The following PKIG variants were observed in gnomAD, a reference collection of about 807,000 sequenced individuals.
PKIG encodes the protein protein kinase (cAMP-dependent, catalytic) inhibitor gamma.
A neutral mutation model predicts 6.8 loss-of-function variants in PKIG; 1 was observed. The ratio of observed to expected loss-of-function variants is 0.15; its 90% CI spans 0.05 to 0.69. PKIG has a LOEUF of 0.69. Among genes scored for constraint, PKIG ranks in the 30% least tolerant of loss-of-function variants. PKIG has a pLI of 0.82. For synonymous variants in PKIG, 39 were observed against 43.0 expected (o/e 0.91, Z 0.36); for missense variants, 77 against 104.0 (o/e 0.74, Z 1.13).
chr20:44,608,225 G>T (rs188204835), intron 2 of PKIG, among the ~76,000 whole-genome samples: 12 of 152,214 alleles, frequency 7.9e-5, no homozygotes, highest in South Asian at 2.1e-4. Flanking sequence ...TGAAGTGAAT[G>T]TGTTCACTAT....
intron 1 of PKIG, among the ~76,000 whole-genome samples, chr20:44,547,434 G>T (rs1468202379): frequency 1.3e-5 from 2 of 152,160 alleles, no homozygotes; most frequent in Non-Finnish European, 2.9e-5. Context: ...TGATTTTGTG[G>T]GGAGAGAAGC....
intron 1 of PKIG, among the ~76,000 whole-genome samples, chr20:44,560,717 C>T (rs1023634212): frequency 7.9e-5 from 12 of 152,216 alleles, no homozygotes; most frequent in Non-Finnish European, 2.9e-5. Flanking sequence ...CACCAAGCTT[C>T]TAGGTGTAGG....
rs183029550 is a variant in PKIG at position 44,600,930 on chromosome 20, G to A, written c.-24+11064G>A. 2.5e-4 allele frequency among the ~76,000 whole-genome samples: 38 copies of A among 152,140 alleles called. No homozygotes were observed. The East Asian group carries it at 6.0e-3, about 24-fold the overall frequency. ...TCAGAAATCTAGAACTCTTAAGAGA[G>A]GGTTGCAGCTCTTTGAAGGTCACCA... On this transcript the variant is annotated intron_variant, in intron 2 of 3. Coordinates refer to ENST00000372886, the MANE Select transcript of PKIG (RefSeq NM_001281445.2).
chr20:44,613,736 C>T (rs1158924120), intron 2 of PKIG, among the ~76,000 whole-genome samples: 1 of 152,184 alleles, frequency 6.6e-6, no homozygotes, highest in Admixed American at 6.5e-5. Flanking sequence ...TCACAGGAGC[C>T]TCCTAACTTG....
intron 2 of PKIG, among the ~76,000 whole-genome samples, chr20:44,610,500 T>TCTCA (rs1555841182): frequency 5.4e-4 from 73 of 135,492 alleles, no homozygotes; most frequent in African/African-American, 1.4e-3. Context: ...TCTCTCTCTC[T>TCTCA]CACACACACA....
rs180850685 is a variant in PKIG, at chr20:44,577,134, G to C, written c.-240-5451G>C. Among the ~76,000 whole-genome samples the C allele has an allele frequency of 4.2e-4, 64 of 151,788 alleles. No individual in the cohort carries two copies. The East Asian group carries it at 0.012, about 29-fold the overall frequency. ...TGTGTGTGGTTTTTTTTTTGAGACA[G>C]ATTATCATTCTGTCACCCAGGCTGG... On this transcript the variant is annotated intron_variant, in intron 1 of 4. Transcript: ENST00000372887.
At chr20:44,577,948 C>T (rs964556643), upstream of PKIG, among the ~76,000 whole-genome samples, 1 of 152,070 alleles carries the variant, frequency 6.6e-6, no homozygotes, top group Admixed American at 6.5e-5. Context: ...GTGGGTTATG[C>T]GTACAGATCT....
intron 1 of PKIG, among the ~76,000 whole-genome samples, chr20:44,573,420 G>A (rs1251728284): frequency 1.3e-5 from 2 of 152,256 alleles, no homozygotes; most frequent in East Asian, 3.8e-4. Flanking sequence ...AGGAGTACTA[G>A]ATTAAGGATC....
chr20:44,557,196 T>A (rs1053504688), intron 1 of PKIG, among the ~76,000 whole-genome samples: 9 of 151,932 alleles, frequency 5.9e-5, no homozygotes, highest in East Asian at 1.9e-4. Context: ...GTAAATGTTT[T>A]AAAAAAAACT....
In PKIG at chr20:44,601,707, G is replaced by A. The variant is rs567374057; in HGVS notation, c.-24+11841G>A. ...TCCCATAAGACCAGGTCCCACTTCTGTGCTTCATGTCTTCTGCAAAAGTCT... is the reference window on the plus strand; with the variant it reads ...TCCCATAAGACCAGGTCCCACTTCTATGCTTCATGTCTTCTGCAAAAGTCT... On this transcript the variant is annotated intron_variant, in intron 2 of 3. Transcript: ENST00000372886. 3.5e-4 allele frequency among the ~76,000 whole-genome samples: 53 copies of A among 152,216 alleles called. 1 individual carries two copies. The South Asian group carries it at 0.01, about 30-fold the overall frequency.
intron 3 of PKIG, among the ~76,000 whole-genome samples, chr20:44,616,453 C>CT (rs1568838392): frequency 6.6e-6 from 1 of 152,232 alleles, no homozygotes; most frequent in Admixed American, 6.5e-5. Flanking sequence ...CCTGGGCTCT[C>CT]TCTCAAGGCT....
intron 2 of PKIG, among the ~76,000 whole-genome samples, chr20:44,593,098 G>A (rs892214378): frequency 1.3e-5 from 2 of 151,948 alleles, no homozygotes; most frequent in Non-Finnish European, 2.9e-5. Flanking sequence ...AGCACTTTGG[G>A]AGGCTGAGGC....
At chr20:44,608,814 A>AAAT (rs1555840902) in intron 2 of PKIG, among the ~76,000 whole-genome samples, 12 of 150,150 alleles carry the variant, frequency 8.0e-5, no homozygotes, top group African/African-American at 1.2e-4. Flanking sequence ...AAAAAAAAAA[A>AAAT]AATACTATGA....
rs1309290295 is a variant in PKIG, at chr20:44,614,896, A to G, written c.151+189A>G. On this transcript the variant is annotated intron_variant, in intron 3 of 3. Transcript: ENST00000372886. This position sits in a 1 kb window ranked among gnomAD's most constrained non-coding sequence, Gnocchi z 4.6. ...GGAAGATGTTTGAGTCTCAGGCCCC[A>G]AGGACTCCTCTGGACAGGCATCCGG... 8.1e-6 allele frequency: 5 copies of G among 620,230 alleles called. No individual in the cohort carries two copies. Among genetic ancestry groups the G allele is most frequent in the Non-Finnish European group, 1.4e-5 (5 of 359,678 alleles). The allele number at this position is 620,230 out of a possible 1,614,324, so 38.4% of individuals were successfully genotyped here.
chr20:44,614,556 C>A lies in PKIG; in HGVS notation c.-1C>A. The A allele has an allele frequency of 1.2e-6, 2 of 1,613,876 alleles. No individual in the cohort carries two copies. Among genetic ancestry groups the A allele is most frequent in the Non-Finnish European group, 1.7e-6 (2 of 1,179,888 alleles). The stretch of plus-strand genomic sequence containing the variant: ...CAGGCCTGAGGAGCGATGCGACAGG[C>A]ATGATGGAGGTCGAGTCCTCCTACT... On this transcript the variant is annotated 5_prime_UTR_variant, in exon 3 of 4. Coordinates refer to ENST00000372886, the MANE Select transcript of PKIG (RefSeq NM_001281445.2). This position sits in a 1 kb window ranked among gnomAD's most constrained non-coding sequence, Gnocchi z 4.6.
chr20:44,577,438 A>G (rs1297728982), intron 1 of PKIG, among the ~76,000 whole-genome samples: 1 of 152,080 alleles, frequency 6.6e-6, no homozygotes, highest in African/African-American at 2.4e-5. Flanking sequence ...TTGACCAAGA[A>G]CATTGTTTTA....
chr20:44,542,553 A>G (rs1274245112), intron 1 of PKIG, among the ~76,000 whole-genome samples: 1 of 152,100 alleles, frequency 6.6e-6, no homozygotes, highest in Non-Finnish European at 1.5e-5. Flanking sequence ...TATGGTACAT[A>G]TTAAATATAG....
intron 1 of PKIG, among the ~76,000 whole-genome samples, chr20:44,568,305 A>G (rs551797740): frequency 6.6e-6 from 1 of 152,232 alleles, no homozygotes; most frequent in Non-Finnish European, 1.5e-5. Flanking sequence ...GTAAAATACT[A>G]TTTTATAGAA....
intron 2 of PKIG, among the ~76,000 whole-genome samples, chr20:44,594,677 C>A (rs1026650821): frequency 1.3e-5 from 2 of 152,310 alleles, no homozygotes; most frequent in East Asian, 1.9e-4. Context: ...CCACCCCTCA[C>A]CCCTCTTCGG....
Sources: gnomAD v4.1 joint callset for allele counts (sites outside exome capture counted in the v4.1 genomes callset) on GRCh38, gnomAD v4.1.1 for gene constraint, Gnocchi (gnomAD v3.1) non-coding constraint, MANE v1.5 for transcripts, NCBI Gene and HGNC (gene_info 2026-07-23, HGNC 2026-07-21) for gene names.